Variants in SGCD observed in about 807,000 individuals in gnomAD.
SGCD encodes sarcoglycan delta.
In SGCD, 18 loss-of-function variants were observed where a neutral mutation model predicts 36.6. That is an observed-to-expected ratio of 0.49 (90% CI 0.34 to 0.73). SGCD has a LOEUF of 0.73. Among genes scored for constraint, SGCD ranks in the 30% least tolerant of loss-of-function variants. The pLI, the probability that SGCD is intolerant of heterozygous loss-of-function variation, is 0.01. For missense variants in SGCD, 387 were observed against 346.7 expected, an observed-to-expected ratio of 1.12 and a Z score of -0.92; for synonymous variants, 133 against 130.6, an observed-to-expected ratio of 1.02 and a Z score of -0.12.
At chr5:155,943,295 A>G (rs1453406536) in intron 1 of SGCD, among the ~76,000 whole-genome samples, 2 of 151,776 alleles carry the variant, frequency 1.3e-5, no homozygotes, top group Non-Finnish European at 2.9e-5. Flanking sequence ...TTTTGTTACA[A>G]TCACTGTTGT....
chr5:156,647,532 C>T lies in SGCD; in HGVS notation c.571C>T (p.Leu191=). 6.4e-7 allele frequency: 1 copy of T among 1,569,636 alleles called. No individual in the cohort carries two copies. Among genetic ancestry groups the T allele is most frequent in the Non-Finnish European group, 8.7e-7 (1 of 1,154,166 alleles). Residue 191 remains leucine (L), a synonymous_variant, in exon 7 of 9, where the codon CTA becomes TTA. Coordinates refer to ENST00000337851, the MANE Select transcript of SGCD (RefSeq NM_000337.6). Reference sequence around the variant, plus strand: ...TGTCAGGGCAGACCCCTTCAAAGAACTAAGGTAAACTTCTGACTTTGGTTT... The same window carrying T: ...TGTCAGGGCAGACCCCTTCAAAGAATTAAGGTAAACTTCTGACTTTGGTTT... ...PNVRADPFKE[L]RLESPTRSLV... is the part of the protein sequence containing the mutation.
intron 3 of SGCD, among the ~76,000 whole-genome samples, chr5:156,418,176 C>A (rs1289708743): frequency 1.3e-5 from 2 of 152,162 alleles, no homozygotes; most frequent in Admixed American, 1.3e-4. Context: ...GGTCTTCGGA[C>A]TCCCAATACA....
At chr5:156,042,383 A>C (rs1196775357) in intron 1 of SGCD, among the ~76,000 whole-genome samples, 1 of 152,090 alleles carries the variant, frequency 6.6e-6, no homozygotes, top group Non-Finnish European at 1.5e-5. Flanking sequence ...AATTGGGATG[A>C]CTCCACAGCC....
At chr5:156,287,323 C>T (rs1766634260) in intron 3 of SGCD, among the ~76,000 whole-genome samples, 1 of 152,084 alleles carries the variant, frequency 6.6e-6, no homozygotes, top group Non-Finnish European at 1.5e-5. Flanking sequence ...GGCTCTGATG[C>T]AAACAGCTTT....
intron 1 of SGCD, among the ~76,000 whole-genome samples, chr5:156,003,382 T>C (rs1581036946): frequency 6.6e-6 from 1 of 152,222 alleles, no homozygotes; most frequent in African/African-American, 2.4e-5. Context: ...TCTGGAAGTG[T>C]GAACAATGGT....
intron 1 of SGCD, among the ~76,000 whole-genome samples, chr5:156,019,751 C>T (rs1253718432): frequency 6.6e-6 from 1 of 152,220 alleles, no homozygotes; most frequent in African/African-American, 2.4e-5. Flanking sequence ...TCCCTCCACT[C>T]TTTGCAAGAA....
intron 7 of SGCD, among the ~76,000 whole-genome samples, chr5:156,652,945 C>T (rs990940364): frequency 1.3e-5 from 2 of 152,046 alleles, no homozygotes; most frequent in African/African-American, 4.8e-5. Context: ...GGAATAAAGG[C>T]TATTTAATCA....
the SGCD span, among the ~76,000 whole-genome samples, chr5:155,783,154 A>G: frequency 2.0e-5 from 3 of 152,314 alleles, no homozygotes; most frequent in East Asian, 5.8e-4. Context: ...ATGACACAAT[A>G]AATGTAAATC....
chr5:156,075,355 G>GA (rs1293520541), intron 1 of SGCD, among the ~76,000 whole-genome samples: 7 of 151,904 alleles, frequency 4.6e-5, no homozygotes, highest in African/African-American at 1.7e-4. Flanking sequence ...GAGTAAAAAA[G>GA]AAAAAACTAC....
At chr5:156,455,246 T>A (rs1365631461) in intron 3 of SGCD, among the ~76,000 whole-genome samples, 2 of 152,154 alleles carry the variant, frequency 1.3e-5, no homozygotes, top group Non-Finnish European at 2.9e-5. Flanking sequence ...GGTTGGGGCA[T>A]AGCCAGTGTA....
At chr5:155,737,286 C>A in the SGCD span, among the ~76,000 whole-genome samples, 4 of 152,116 alleles carry the variant, frequency 2.6e-5, no homozygotes, top group Non-Finnish European at 1.5e-5. Flanking sequence ...GCAACTGACA[C>A]AAAAGTTTCA....
intron 4 of SGCD, among the ~76,000 whole-genome samples, chr5:156,584,012 A>C (rs921448804): frequency 6.6e-6 from 1 of 152,222 alleles, no homozygotes; most frequent in African/African-American, 2.4e-5. Context: ...TAGGAAAGGA[A>C]AGGATTTCTT....
chr5:156,156,757 G>A (rs1762974314), intron 3 of SGCD, among the ~76,000 whole-genome samples: 1 of 151,374 alleles, frequency 6.6e-6, no homozygotes, highest in Non-Finnish European at 1.5e-5. Context: ...CTTCTGATGG[G>A]CTGATTGTTG....
intron 1 of SGCD, among the ~76,000 whole-genome samples, chr5:155,982,939 A>G (rs1327142825): frequency 6.6e-6 from 1 of 152,218 alleles, no homozygotes; most frequent in Non-Finnish European, 1.5e-5. Flanking sequence ...AGATAACCCC[A>G]GTGAAGAAAA....
chr5:155,981,953 A>G (rs1227880691), intron 1 of SGCD, among the ~76,000 whole-genome samples: 1 of 152,188 alleles, frequency 6.6e-6, no homozygotes, highest in Non-Finnish European at 1.5e-5. Flanking sequence ...ACAACAGGAC[A>G]TGGATTATTC....
intron 3 of SGCD, among the ~76,000 whole-genome samples, chr5:156,412,093 T>C (rs1267938750): frequency 6.6e-6 from 1 of 152,224 alleles, no homozygotes; most frequent in Non-Finnish European, 1.5e-5. Context: ...TGATAGAATG[T>C]TTGTTCCATC....
rs1265749158 is a variant in SGCD, at chr5:156,729,576, T to TAC, written c.576-28004_576-28003dup. ...AATACAAGAAGCACTCAATGAATATTACTAAATGATATCATCATTATCTTT... is the reference window on the plus strand; with the variant it reads ...AATACAAGAAGCACTCAATGAATATTACACTAAATGATATCATCATTATCTTT... On this transcript the variant is annotated intron_variant, in intron 7 of 8. Coordinates refer to ENST00000337851, the MANE Select transcript of SGCD (RefSeq NM_000337.6). Among the ~76,000 whole-genome samples the TAC allele has an allele frequency of 9.2e-5, 14 of 152,218 alleles. 1 individual carries two copies. The East Asian group carries it at 2.5e-3, about 27-fold the overall frequency.
At position 155,900,044 on chromosome 5, in the gene SGCD, T is replaced by C. The variant is rs145736970; in HGVS notation, c.-282+29620T>C. ...CTTTCCCTAACTCCTCAGAAAATGA[T>C]ATCTGCTTTCTGACTACCTATACAT... is the stretch of plus-strand genomic sequence containing the variant. On this transcript the variant is annotated intron_variant, in intron 1 of 9. Transcript: ENST00000517913. 1.4e-3 allele frequency among the ~76,000 whole-genome samples: 219 copies of C among 152,348 alleles called. 1 individual carries two copies. Among genetic ancestry groups the C allele is most frequent in the African/African-American group, 5.1e-3 (214 of 41,586 alleles).
chr5:156,073,180 CT>C (rs1760640602), intron 1 of SGCD, among the ~76,000 whole-genome samples: 1 of 152,150 alleles, frequency 6.6e-6, no homozygotes, highest in Non-Finnish European at 1.5e-5. Flanking sequence ...AGGAAACTTG[CT>C]TGTAAAAAAT....
Sources: allele counts gnomAD v4.1 joint callset (sites outside exome capture counted in the v4.1 genomes callset), GRCh38; gene constraint gnomAD v4.1.1; transcripts MANE v1.5; gene names NCBI Gene and HGNC (gene_info 2026-07-23, HGNC 2026-07-21).